FCAR: variants seen among roughly 807,000 people sequenced by gnomAD.
The protein encoded by FCAR is Fc alpha receptor, also known as immunoglobulin alpha Fc receptor.
In FCAR, 21 loss-of-function variants were observed where a neutral mutation model predicts 27.1. The ratio of observed to expected loss-of-function variants is 0.77; its 90% CI spans 0.55 to 1.11. FCAR has a LOEUF of 1.11. FCAR is among the 50% of genes most tolerant of loss of function. The pLI is 0.00. For synonymous variants in FCAR, 134 were observed against 135.8 expected (o/e 0.99, Z 0.09); for missense variants, 404 against 358.4 (o/e 1.13, Z -1.03).
intron 2 of FCAR, among the ~76,000 whole-genome samples, chr19:54,880,309 T>C (rs2066340321): frequency 6.6e-6 from 1 of 152,228 alleles, no homozygotes; most frequent in African/African-American, 2.4e-5. Flanking sequence ...CCAGTATTCA[T>C]GCTCTGAGAT....
chr19:54,888,978 G>A, intron 4 of FCAR: 1 of 859,100 alleles, frequency 1.2e-6, no homozygotes, highest in Non-Finnish European at 1.4e-6. Flanking sequence ...TGAGGCAGGA[G>A]AATCACTTGA....
chr19:54,889,881 C>A lies in FCAR; in HGVS notation c.*18C>A. On this transcript the variant is annotated 3_prime_UTR_variant, in exon 5 of 5. Transcript: ENST00000355524. ...GCAAGTAAACACCTGGAGGTGAAGGCAGAGAGGAGCCAGGACTGTGGAGTC... is the reference window on the plus strand; with the variant it reads ...GCAAGTAAACACCTGGAGGTGAAGGAAGAGAGGAGCCAGGACTGTGGAGTC... 6.4e-7 allele frequency: 1 copy of A among 1,565,438 alleles called. No individual in the cohort carries two copies. Among genetic ancestry groups the A allele is most frequent in the Non-Finnish European group, 8.7e-7 (1 of 1,149,208 alleles).
intron 4 of FCAR, among the ~76,000 whole-genome samples, chr19:54,889,326 C>T (rs587722077): frequency 5.6e-5 from 8 of 143,502 alleles, no homozygotes; most frequent in East Asian, 4.2e-4. Context: ...GAGCCGAGAT[C>T]ACGCCACTGC....
chr19:54,877,336 A>G (rs587709770), intron 2 of FCAR, among the ~76,000 whole-genome samples: 3 of 152,184 alleles, frequency 2.0e-5, no homozygotes, highest in South Asian at 2.1e-4. Flanking sequence ...AGGAGGGTGT[A>G]TGTGTCCAGG....
rs1270477162 is a variant in FCAR, at chr19:54,890,997, A to T, written c.*1134A>T. On this transcript the variant is annotated 3_prime_UTR_variant, in exon 5 of 5. Transcript: ENST00000355524. ...CAAACCCTATTTCTACCGGATTTTC[A>T]TACAAGGAATACAGGCATGTGTTTC... is the stretch of plus-strand genomic sequence containing the variant. The T allele has an allele frequency of 2.0e-4, 31 of 152,180 alleles. 1 individual carries two copies. The highest frequency in any genetic ancestry group is 2.0e-3 in the Admixed American group (31 of 15,272). The allele number at this position is 152,180 out of a possible 1,614,324, so 9.4% of individuals were successfully genotyped here.
intron 2 of FCAR, among the ~76,000 whole-genome samples, chr19:54,884,356 G>C (rs2066585322): frequency 6.6e-6 from 1 of 152,190 alleles, no homozygotes; most frequent in Non-Finnish European, 1.5e-5. Flanking sequence ...TTGCAGCCAG[G>C]TGCGGTGGCT....
chr19:54,886,030 T>C (rs1465686409), intron 3 of FCAR, among the ~76,000 whole-genome samples: 1 of 151,836 alleles, frequency 6.6e-6, no homozygotes, highest in Non-Finnish European at 1.5e-5. Context: ...GTGGATCACC[T>C]GAGGTCAGGA....
intron 4 of FCAR, chr19:54,888,548 T>G: frequency 7.7e-7 from 1 of 1,298,020 alleles, no homozygotes; most frequent in South Asian, 2.0e-5. Flanking sequence ...TCATTTTATT[T>G]ATTTCATTTT....
At chr19:54,887,927 T>C (rs587775069) in intron 3 of FCAR, 80 bp from the exon 4 acceptor site, 14 of 1,171,502 alleles carry the variant, frequency 1.2e-5, no homozygotes, top group Middle Eastern at 3.0e-4. Context: ...CAAAAAAATA[T>C]ATAATAATAA....
chr19:54,884,360 G>A (rs1406937228), intron 2 of FCAR, among the ~76,000 whole-genome samples: 2 of 152,130 alleles, frequency 1.3e-5, no homozygotes, highest in East Asian at 1.9e-4. Context: ...AGCCAGGTGC[G>A]GTGGCTCACG....
At chr19:54,875,205 A>G in intron 1 of FCAR, 125 bp from the exon 2 acceptor site, 1 of 714,364 alleles carries the variant, frequency 1.4e-6, no homozygotes, top group Non-Finnish European at 2.4e-6. Context: ...TTCTTTATAT[A>G]TCTGGTGGGA....
At chr19:54,883,168 GAAA>G in intron 2 of FCAR, among the ~76,000 whole-genome samples, 1 of 151,458 alleles carries the variant, frequency 6.6e-6, no homozygotes, top group African/African-American at 2.4e-5. Flanking sequence ...ACCATAAAGA[GAAA>G]ATTTTTGTAA....
chr19:54,886,297 CTTTAT>C lies in FCAR; in HGVS notation c.361+776_361+780del, dbSNP rs1418348500. ...CACATTGCATTCAGGTGTCATGTAT[CTTTAT>C]TTTTTTTTTTTTTTTTTTTTTTGAG... On this transcript the variant is annotated intron_variant, in intron 3 of 4. Coordinates refer to ENST00000355524, the MANE Select transcript of FCAR (RefSeq NM_002000.4). Among the ~76,000 whole-genome samples the C allele has an allele frequency of 8.9e-4, 71 of 80,058 alleles. 8 individuals are homozygous for C. The highest frequency in any genetic ancestry group is 3.7e-3 in the African/African-American group (65 of 17,596). The allele number at this position is 80,058 out of a possible 152,430, so 52.5% of individuals were successfully genotyped here. A position where few individuals can be genotyped will look rare whatever the true frequency, so the allele number is the denominator to read the frequency against.
Position 54,875,342 on chromosome 19 carries a change from G to T in FCAR, c.47G>T (p.Gly16Val). The change falls in exon 2 of 5, where the codon GGC becomes GTC. Residue 16 changes from glycine to valine, a missense_variant. By Grantham distance (109) the Gly-to-Val change is moderately radical. Coordinates refer to ENST00000355524, the MANE Select transcript of FCAR (RefSeq NM_002000.4). ...TTLLCLVLCL[G>V]QRIQAQEGDF... ...CTCTCTCTTCCAGTGCTCTGTCTGG[G>T]CCAGAGGATTCAGGCACAGGAAGGT... 1 of 1,613,760 alleles carries T rather than the reference G, an allele frequency of 6.2e-7. No individual in the cohort carries two copies. The highest frequency in any genetic ancestry group is 8.5e-7 in the Non-Finnish European group (1 of 1,179,864).
intron 3 of FCAR, among the ~76,000 whole-genome samples, chr19:54,887,226 C>T (rs1053722516): frequency 6.6e-6 from 1 of 152,180 alleles, no homozygotes; most frequent in Non-Finnish European, 1.5e-5. Flanking sequence ...GGTAGGATCA[C>T]CTGAGCCTGG....
In FCAR at chr19:54,890,403, C is replaced by T. The variant is rs1175750202; in HGVS notation, c.*540C>T. On this transcript the variant is annotated 3_prime_UTR_variant, in exon 5 of 5. Coordinates refer to ENST00000355524, the MANE Select transcript of FCAR (RefSeq NM_002000.4). ...TAATTTCTTCCTTCATTGTTCTTCT[C>T]TTTTTTTATTTATTTTATTTATTTT... 6.6e-6 allele frequency: 1 copy of T among 151,698 alleles called. No homozygotes were observed. The highest frequency in any genetic ancestry group is 1.5e-5 in the Non-Finnish European group (1 of 67,902). 9.4% of individuals were successfully genotyped at this position (151,698 alleles called of 1,614,324 possible). A position where few individuals can be genotyped will look rare whatever the true frequency, so the allele number is the denominator to read the frequency against.
At chr19:54,874,690 A>G (rs1441274028) in intron 1 of FCAR, among the ~76,000 whole-genome samples, 1 of 148,566 alleles carries the variant, frequency 6.7e-6, no homozygotes, top group Non-Finnish European at 1.5e-5. Flanking sequence ...CCCATATAGA[A>G]ATATGGTTAC....
chr19:54,875,452 A>G, intron 2 of FCAR, 87 bp downstream of exon 2: 3 of 1,110,124 alleles, frequency 2.7e-6, no homozygotes, highest in South Asian at 2.6e-5. Flanking sequence ...CTGAAGCACC[A>G]TTCTTATTTT....
chr19:54,884,672 G>C (rs1434828405), intron 2 of FCAR, among the ~76,000 whole-genome samples: 1 of 148,608 alleles, frequency 6.7e-6, no homozygotes, highest in African/African-American at 2.5e-5. Flanking sequence ...AGACACTGGA[G>C]ACTACTAGAT....
Sources: allele counts gnomAD v4.1 joint callset (sites outside exome capture counted in the v4.1 genomes callset), GRCh38; gene constraint gnomAD v4.1.1; transcripts MANE v1.5; gene names NCBI Gene and HGNC (gene_info 2026-07-23, HGNC 2026-07-21).